Variants in SPTLC3 observed in about 807,000 individuals in gnomAD.
The protein encoded by SPTLC3 is serine palmitoyltransferase 3.
Under a neutral mutation model 59.3 loss-of-function variants are expected in SPTLC3, and 36 were observed. That is an observed-to-expected ratio of 0.61 (90% CI 0.47 to 0.80). The LOEUF is 0.80. Ranked by LOEUF, SPTLC3 falls within the 30% of genes least tolerant of loss-of-function variation. The pLI, the probability that SPTLC3 is intolerant of heterozygous loss-of-function variation, is 0.00. For synonymous variants in SPTLC3, 257 were observed against 240.8 expected, an observed-to-expected ratio of 1.07 and a Z score of -0.62; for missense variants, 625 against 685.1, an observed-to-expected ratio of 0.91 and a Z score of 0.98.
intron 9 of SPTLC3, among the ~76,000 whole-genome samples, chr20:13,140,067 A>G (rs1432095157): frequency 6.6e-6 from 1 of 152,210 alleles, no homozygotes; most frequent in African/African-American, 2.4e-5. Context: ...GACCCTGAAG[A>G]TAATAATTCC....
At chr20:13,160,196 T>C (rs769410542) in intron 11 of SPTLC3, 64 bp downstream of exon 11, 46 of 1,521,126 alleles carry the variant, frequency 3.0e-5, no homozygotes, top group Non-Finnish European at 4.0e-5. Context: ...CAAGTCCTTT[T>C]GTTGAGACAG....
chr20:13,158,099 G>A (rs1213431776), intron 10 of SPTLC3, among the ~76,000 whole-genome samples: 1 of 152,084 alleles, frequency 6.6e-6, no homozygotes, highest in African/African-American at 2.4e-5. Context: ...CTTGGTAAAG[G>A]GTTTGCATTT....
chr20:13,157,734 C>T (rs371819630), intron 10 of SPTLC3, among the ~76,000 whole-genome samples: 5 of 152,120 alleles, frequency 3.3e-5, no homozygotes, highest in East Asian at 1.9e-4. Context: ...TTATCTATTA[C>T]AGGTAGGAGT....
chr20:13,094,395 A>ACACATGCACTCG (rs1423700087), intron 6 of SPTLC3, among the ~76,000 whole-genome samples: 1 of 77,372 alleles, frequency 1.3e-5, no homozygotes, highest in East Asian at 3.7e-4. Context: ...ACATGCATGC[A>ACACATGCACTCG]CACACATGCA....
intron 9 of SPTLC3, among the ~76,000 whole-genome samples, chr20:13,147,090 G>A (rs980692685): frequency 2.6e-5 from 4 of 152,130 alleles, no homozygotes; most frequent in African/African-American, 9.7e-5. Context: ...CAGAGCCCTC[G>A]AAATCAGGCC....
intron 2 of SPTLC3, among the ~76,000 whole-genome samples, chr20:13,064,416 C>G (rs1296970189): frequency 6.6e-6 from 1 of 152,078 alleles, no homozygotes; most frequent in African/African-American, 2.4e-5. Context: ...GCCTCAACCC[C>G]CCGAGTAGCT....
intron 1 of SPTLC3, among the ~76,000 whole-genome samples, chr20:13,012,951 A>C (rs964198992): frequency 6.6e-6 from 1 of 152,202 alleles, no homozygotes; most frequent in Non-Finnish European, 1.5e-5. Context: ...TGAGGAAAAG[A>C]CAGGAAAGGA....
chr20:13,036,559 A>C (rs949739783), intron 1 of SPTLC3, among the ~76,000 whole-genome samples: 1 of 152,166 alleles, frequency 6.6e-6, no homozygotes, highest in Non-Finnish European at 1.5e-5. Flanking sequence ...TCTGCTATTC[A>C]TCAGTAAGGC....
At chr20:13,113,245 AAGTCAAT>A (rs1273958408) in intron 7 of SPTLC3, among the ~76,000 whole-genome samples, 1 of 152,178 alleles carries the variant, frequency 6.6e-6, no homozygotes, top group Non-Finnish European at 1.5e-5. Context: ...TAGGAATGTG[AAGTCAAT>A]AGTTCACAAA....
At chr20:13,116,754 C>T (rs527784169) in intron 7 of SPTLC3, among the ~76,000 whole-genome samples, 2 of 152,264 alleles carry the variant, frequency 1.3e-5, no homozygotes, top group South Asian at 2.1e-4. Context: ...ATATGTGGTC[C>T]GCAACCATTG....
intron 1 of SPTLC3, among the ~76,000 whole-genome samples, chr20:13,034,864 TGAG>T: frequency 6.6e-6 from 1 of 152,160 alleles, no homozygotes; most frequent in East Asian, 1.9e-4. Flanking sequence ...CCTGCAGAGT[TGAG>T]GAGTCAAAAT....
At chr20:13,162,288 C>T (rs1299650120) in intron 11 of SPTLC3, among the ~76,000 whole-genome samples, 1 of 152,134 alleles carries the variant, frequency 6.6e-6, no homozygotes, top group Non-Finnish European at 1.5e-5. Context: ...AGGAGGGACA[C>T]ACAGCATGGA....
intron 2 of SPTLC3, among the ~76,000 whole-genome samples, chr20:13,053,309 G>A (rs892802284): frequency 1.3e-5 from 2 of 152,160 alleles, no homozygotes; most frequent in African/African-American, 4.8e-5. Flanking sequence ...GGGCCTGACT[G>A]TTAGAAGGAA....
At chr20:13,016,635 G>A (rs753980055) in intron 1 of SPTLC3, among the ~76,000 whole-genome samples, 3 of 152,090 alleles carry the variant, frequency 2.0e-5, no homozygotes, top group Non-Finnish European at 4.4e-5. Context: ...TAGGCTTAGA[G>A]ACCTTTATTT....
intron 1 of SPTLC3, among the ~76,000 whole-genome samples, chr20:13,014,813 G>A (rs1985442347): frequency 6.6e-6 from 1 of 150,702 alleles, no homozygotes; most frequent in African/African-American, 2.4e-5. Flanking sequence ...AAAGATAAAT[G>A]TCAACCAATT....
chr20:13,077,071 T>A (rs1988673679), intron 4 of SPTLC3, among the ~76,000 whole-genome samples: 1 of 152,106 alleles, frequency 6.6e-6, no homozygotes, highest in Non-Finnish European at 1.5e-5. Context: ...TAAGGGAGAC[T>A]TTGACTCCTT....
intron 8 of SPTLC3, among the ~76,000 whole-genome samples, chr20:13,118,465 A>AAAC (rs1990710259): frequency 6.6e-6 from 1 of 151,742 alleles, no homozygotes; most frequent in Non-Finnish European, 1.5e-5. Flanking sequence ...AAAAACAAAA[A>AAAC]AAAACAATAA....
At chr20:13,156,546 C>T (rs1033208205) in intron 10 of SPTLC3, among the ~76,000 whole-genome samples, 9 of 152,070 alleles carry the variant, frequency 5.9e-5, no homozygotes, top group East Asian at 5.8e-4. Flanking sequence ...ATTTATAAAA[C>T]GGGATATGAT....
chr20:13,100,196 C>T (rs550333889), intron 6 of SPTLC3, among the ~76,000 whole-genome samples: 1 of 152,260 alleles, frequency 6.6e-6, no homozygotes, highest in South Asian at 2.1e-4. Context: ...CTAAGATATA[C>T]TTAAACCTAC....
Sources: gnomAD v4.1 joint callset for allele counts (sites outside exome capture counted in the v4.1 genomes callset) on GRCh38, gnomAD v4.1.1 for gene constraint, MANE v1.5 for transcripts, NCBI Gene and HGNC (gene_info 2026-07-23, HGNC 2026-07-21) for gene names.